The following SPNS3 variants were observed in gnomAD, a reference collection of about 807,000 sequenced individuals.
The protein encoded by SPNS3 is SPNS lysolipid transporter 3, sphingosine-1-phosphate (putative).
Under a neutral mutation model 54.4 loss-of-function variants are expected in SPNS3, and 51 were observed. That is an observed-to-expected ratio of 0.94 (90% CI 0.75 to 1.18). SPNS3 has a LOEUF of 1.18. SPNS3 is among the 50% of genes most tolerant of loss of function. SPNS3 has a pLI of 0.00. For synonymous variants in SPNS3, 309 were observed against 294.7 expected (o/e 1.05, Z -0.50); for missense variants, 669 against 677.4 (o/e 0.99, Z 0.14).
rs557926908 is a variant in SPNS3, at chr17:4,470,454, A to T, written c.1114-8118A>T. On this transcript the variant is annotated intron_variant, in intron 8 of 11. Transcript: ENST00000355530. The stretch of plus-strand genomic sequence containing the variant: ...AAATAATATTAGTAATAATTAATAT[A>T]TTGGACAGTTCACCCAATAAAGTGT... Among the ~76,000 whole-genome samples the T allele has an allele frequency of 4.6e-5, 7 of 152,274 alleles. No individual in the cohort carries two copies. In the South Asian group the frequency reaches 1.5e-3, roughly 32 times the overall value.
At chr17:4,478,137 A>AGT (rs1972058488) in intron 8 of SPNS3, among the ~76,000 whole-genome samples, 2 of 151,112 alleles carry the variant, frequency 1.3e-5, no homozygotes, top group Non-Finnish European at 3.0e-5. Flanking sequence ...ACACCCTGCT[A>AGT]ATTTTTGTAT....
chr17:4,486,283 G>A lies in SPNS3; in HGVS notation c.1235G>A (p.Gly412Asp). 1 of 1,594,052 alleles carries A rather than the reference G, an allele frequency of 6.3e-7. No individual in the cohort carries two copies. The highest frequency in any genetic ancestry group is 8.5e-7 in the Non-Finnish European group (1 of 1,172,550). The change falls in exon 10 of 12, where the codon GGC becomes GAC. Residue 412 changes from glycine to aspartate, a missense_variant. By Grantham distance (94) the Gly-to-Asp change is moderately conservative. Transcript: ENST00000355530. This position sits in a 1 kb window ranked among gnomAD's most constrained non-coding sequence, Gnocchi z 5.5. ...GCAGAGGCACTTCAGATCACGGTGGGCCACATCCTGGGAGACGCTGGCAGC... is the reference window on the plus strand; with the variant it reads ...GCAGAGGCACTTCAGATCACGGTGGACCACATCCTGGGAGACGCTGGCAGC... Reference protein sequence around the residue: ...GTAEALQITVGHILGDAGSPY... With the variant: ...GTAEALQITVDHILGDAGSPY...
At chr17:4,434,197 C>G in intron 1 of SPNS3, 31 bp downstream of exon 1, 1 of 1,574,158 alleles carries the variant, frequency 6.4e-7, no homozygotes, top group South Asian at 1.2e-5. Flanking sequence ...CTGGGCAGTA[C>G]CTGCTGCTGT....
Position 4,434,503 on chromosome 17 carries a change from A to T in SPNS3, c.199+337A>T, listed in dbSNP as rs535012336. Among the ~76,000 whole-genome samples, 219 of 149,340 alleles carry T rather than the reference A, an allele frequency of 1.5e-3. 3 individuals carry two copies. In the East Asian group the frequency reaches 0.029, roughly 20 times the overall value. Reference sequence around the variant, plus strand: ...AGTGAGACTCTGTCTCTATTTATTTATTTTTTTTTTTGAGACAGAGTCTCG... The same window carrying T: ...AGTGAGACTCTGTCTCTATTTATTTTTTTTTTTTTTTGAGACAGAGTCTCG... On this transcript the variant is annotated intron_variant, in intron 1 of 11. Coordinates refer to ENST00000355530, the MANE Select transcript of SPNS3 (RefSeq NM_182538.5).
intron 8 of SPNS3, among the ~76,000 whole-genome samples, chr17:4,459,202 C>G (rs928570354): frequency 1.3e-5 from 2 of 152,162 alleles, no homozygotes; most frequent in African/African-American, 4.8e-5. Context: ...TCTGACTCCT[C>G]TCCCAGCCCT....
rs760003858 is a variant in SPNS3 at position 4,449,363 on chromosome 17, A to T, written c.899A>T (p.Gln300Leu). The change falls in exon 7 of 12, where the codon CAG (glutamine) becomes CTG (leucine). Residue 300 changes from glutamine (Q) to leucine (L), a missense_variant. Transcript: ENST00000355530. Reference protein sequence around the residue: ...VVHGLQPPCFQEPCSNPDSLI... With the variant: ...VVHGLQPPCFLEPCSNPDSLI... ...CACGGGCTGCAGCCTCCCTGCTTCC[A>T]GGAGCCGTGCAGCAACCCCGACAGG... is the stretch of plus-strand genomic sequence containing the variant. The T allele has an allele frequency of 6.2e-7, 1 of 1,605,902 alleles. No homozygotes were observed. The highest frequency in any genetic ancestry group is 8.5e-7 in the Non-Finnish European group (1 of 1,178,894).
chr17:4,461,057 C>G (rs1971485621), intron 8 of SPNS3, among the ~76,000 whole-genome samples: 1 of 152,104 alleles, frequency 6.6e-6, no homozygotes, highest in Non-Finnish European at 1.5e-5. Context: ...TTTTCTATTT[C>G]TTCTTGAGTT....
intron 8 of SPNS3, among the ~76,000 whole-genome samples, chr17:4,468,770 T>TCTC (rs1971765917): frequency 2.9e-5 from 2 of 69,946 alleles, no homozygotes; most frequent in African/African-American, 1.0e-4. Context: ...TCTCTCTTTC[T>TCTC]TTTTCTTTCT....
chr17:4,453,812 C>T (rs758593408), intron 8 of SPNS3, among the ~76,000 whole-genome samples: 38 of 152,166 alleles, frequency 2.5e-4, no homozygotes, highest in African/African-American at 9.2e-4. Context: ...AGCAATTCTC[C>T]CCAGGTTACA....
At chr17:4,442,017 T>TGTGTGTGTGTGTGTGTGTGTGTG (rs10692534) in intron 2 of SPNS3, among the ~76,000 whole-genome samples, 22 of 150,554 alleles carry the variant, frequency 1.5e-4, no homozygotes, top group South Asian at 6.3e-4. Flanking sequence ...TGTGTGTGTG[T>TGTGTGTGTGTGTGTGTGTGTGTG]TTGGCAGTAG....
chr17:4,472,567 C>T (rs986478074), intron 8 of SPNS3, among the ~76,000 whole-genome samples: 1 of 152,132 alleles, frequency 6.6e-6, no homozygotes, highest in East Asian at 1.9e-4. Context: ...GCCCTCAGGC[C>T]TTGAGTGGAG....
rs1972330796 is a variant in SPNS3 at position 4,486,786 on chromosome 17, CT to C, written c.1450+204del. On this transcript the variant is annotated intron_variant, in intron 11 of 11. Transcript: ENST00000355530. The surrounding 1 kb of genome is among the most constrained non-coding windows in gnomAD (Gnocchi z 5.5). ...GTCCAGGCCCCTGTAGAAACTGACA[CT>C]GTAGTTGGTGAAGACAGACCAGAAA... 6.6e-6 allele frequency among the ~76,000 whole-genome samples: 1 copy of C among 152,182 alleles called. No homozygotes were observed.
At chr17:4,459,771 A>T (rs1053286225) in intron 8 of SPNS3, among the ~76,000 whole-genome samples, 3 of 152,176 alleles carry the variant, frequency 2.0e-5, no homozygotes, top group African/African-American at 7.2e-5. Context: ...AACAGACAAA[A>T]ATGTCTCTGT....
At chr17:4,454,924 T>TA (rs1052189856) in intron 8 of SPNS3, among the ~76,000 whole-genome samples, 2 of 144,810 alleles carry the variant, frequency 1.4e-5, no homozygotes, top group African/African-American at 5.2e-5. Flanking sequence ...CACCCAGCCT[T>TA]TTTTTTTGAG....
At chr17:4,468,239 G>A (rs1418978532) in intron 8 of SPNS3, among the ~76,000 whole-genome samples, 1 of 152,110 alleles carries the variant, frequency 6.6e-6, no homozygotes, top group Admixed American at 6.6e-5. Flanking sequence ...TTAAGCTCAG[G>A]AGTTTGAGAC....
chr17:4,458,509 C>T (rs528396342), intron 8 of SPNS3, among the ~76,000 whole-genome samples: 2,167 of 119,536 alleles, frequency 0.018, 135 homozygotes, highest in African/African-American at 0.057. Context: ...TCTTTCTTCC[C>T]TTCCTCCCTC....
chr17:4,448,262 C>T lies in SPNS3; in HGVS notation c.729C>T (p.Phe243=). Residue 243 remains phenylalanine, a synonymous_variant, in exon 6 of 12, where the codon TTC becomes TTT. Transcript: ENST00000355530. ...ETQGEGAVGG[F]RSSWCEDVRY... ...AGGGGGAGGGGGCCGTGGGAGGCTT[C>T]AGGAGCAGCTGGTGTGAGGACGTCA... 1 of 1,597,396 alleles carries T rather than the reference C, an allele frequency of 6.3e-7. No homozygotes were observed. Among genetic ancestry groups the T allele is most frequent in the Non-Finnish European group, 8.5e-7 (1 of 1,172,938 alleles).
chr17:4,477,631 G>A (rs541512739), intron 8 of SPNS3, among the ~76,000 whole-genome samples: 12 of 152,332 alleles, frequency 7.9e-5, no homozygotes, highest in African/African-American at 2.6e-4. Context: ...GCAGGGCTGG[G>A]GGTGGGCACT....
Position 4,461,638 on chromosome 17 carries a change from C to A in SPNS3, c.1113+8433C>A, listed in dbSNP as rs568573648. ...GTTTGAACCAGAGTGGCAACAATGG[C>A]GATTGTGAGAGGCAGTTGGATTACA... On this transcript the variant is annotated intron_variant, in intron 8 of 11. Coordinates refer to ENST00000355530, the MANE Select transcript of SPNS3 (RefSeq NM_182538.5). Among the ~76,000 whole-genome samples, 3 of 151,906 alleles carry A rather than the reference C, an allele frequency of 2.0e-5. No individual in the cohort carries two copies. The South Asian group carries it at 6.2e-4, about 32-fold the overall frequency.
Sources: allele counts gnomAD v4.1 joint callset (sites outside exome capture counted in the v4.1 genomes callset), GRCh38; gene constraint gnomAD v4.1.1; non-coding constraint Gnocchi (gnomAD v3.1); transcripts MANE v1.5; gene names NCBI Gene and HGNC (gene_info 2026-07-23, HGNC 2026-07-21).